SPINK6: variants seen among roughly 807,000 people sequenced by gnomAD.
SPINK6 encodes the protein serine protease inhibitor Kazal-type 6.
A neutral mutation model predicts 11.7 loss-of-function variants in SPINK6; 13 were observed. The observed-to-expected ratio is 1.11, with a 90% CI of 0.72 to 1.76. The LOEUF is 1.76. SPINK6 is among the 40% of genes most tolerant of loss of function. The probability of loss-of-function intolerance (pLI) is 0.00; values close to 1 mark genes in which losing one functional copy is unlikely to be tolerated. For synonymous variants in SPINK6, 21 were observed against 31.9 expected, an observed-to-expected ratio of 0.66 and a Z score of 1.15; for missense variants, 98 against 93.7, an observed-to-expected ratio of 1.05 and a Z score of -0.19.
intron 2 of SPINK6, among the ~76,000 whole-genome samples, chr5:148,208,518 G>T (rs1755528885): frequency 1.3e-5 from 2 of 152,158 alleles, no homozygotes; most frequent in South Asian, 4.1e-4. Context: ...CAACTGATGG[G>T]AAATTATAGT....
chr5:148,209,966 A>C lies in SPINK6; in HGVS notation c.81+3908A>C. Among the ~76,000 whole-genome samples the C allele has an allele frequency of 1.3e-5, 2 of 149,964 alleles. 1 individual carries two copies. The highest frequency in any genetic ancestry group is 2.9e-5 in the Non-Finnish European group (2 of 67,868). ...AAAGGTTTCATATATATGTATACAT[A>C]CATACGTACGTATGTATGTATACAT... On this transcript the variant is annotated intron_variant, in intron 2 of 3. Transcript: ENST00000325630.
In SPINK6 at chr5:148,213,974, G is replaced by C. The variant is rs370258516; in HGVS notation, c.146G>C (p.Gly49Ala). The change falls in exon 3 of 4, where the codon GGC (glycine) becomes GCC (alanine). Residue 49 changes from glycine (G) to alanine (A), a missense_variant. Coordinates refer to ENST00000325630, the MANE Select transcript of SPINK6 (RefSeq NM_205841.4). Reference protein sequence around the residue: ...YCTRESNPHCGSDGQTYGNKC... With the variant: ...YCTRESNPHCASDGQTYGNKC... ...ACTCGGGAATCTAACCCACACTGTG[G>C]CTCTGATGGCCAGACATATGGCAAT... 1.9e-6 allele frequency: 3 copies of C among 1,613,798 alleles called. No individual in the cohort carries two copies. The highest frequency in any genetic ancestry group is 2.5e-6 in the Non-Finnish European group (3 of 1,179,852).
chr5:148,214,308 CTT>C (rs1013582146), intron 3 of SPINK6, among the ~76,000 whole-genome samples: 6 of 152,032 alleles, frequency 3.9e-5, no homozygotes, highest in African/African-American at 1.4e-4. Flanking sequence ...TACATTATAA[CTT>C]ATTATATTTA....
Position 148,213,924 on chromosome 5 carries a change from GT to G in SPINK6, c.98del (p.Phe33SerfsTer33), listed in dbSNP as rs1755647755. ...TACTTTGGTAGGTTGACTGTGGTGA[GT>G]TCCAGGACCCCAAGGTCTACTGCAC... ...SQGGQVDCGEFQDPKVYCTRE... is the reference protein window; with the variant it reads ...SQGGQVDCGEXQDPKVYCTRE... On this transcript the variant is annotated frameshift_variant, in exon 3 of 4. Transcript: ENST00000325630. LOFTEE classifies it high-confidence loss of function. 6.2e-7 allele frequency: 1 copy of G among 1,603,106 alleles called. No homozygotes were observed. Among genetic ancestry groups the G allele is most frequent in the Admixed American group, 1.7e-5 (1 of 59,952 alleles).
At chr5:148,210,773 T>C (rs1033146475) in intron 2 of SPINK6, among the ~76,000 whole-genome samples, 3 of 151,976 alleles carry the variant, frequency 2.0e-5, no homozygotes, top group Admixed American at 1.3e-4. Context: ...GCATATGTCA[T>C]GAGGAAATCA....
intron 2 of SPINK6, among the ~76,000 whole-genome samples, chr5:148,210,043 T>C (rs558741159): frequency 4.8e-5 from 5 of 104,208 alleles, no homozygotes; most frequent in East Asian, 2.9e-4. Flanking sequence ...CAAACGTATG[T>C]ATGCATATAT....
At chr5:148,209,104 C>T (rs566386256) in intron 2 of SPINK6, among the ~76,000 whole-genome samples, 1 of 152,262 alleles carries the variant, frequency 6.6e-6, no homozygotes, top group South Asian at 2.1e-4. Context: ...TGCTCCATGA[C>T]TCTAATGAGT....
At chr5:148,214,770 C>G in intron 3 of SPINK6, 135 bp from the exon 4 acceptor site, 3 of 693,208 alleles carry the variant, frequency 4.3e-6, no homozygotes. Context: ...TAATTAACAT[C>G]TTCTGAATCA....
At chr5:148,205,948 G>A (rs1227876710) in intron 1 of SPINK6, 88 bp from the exon 2 acceptor site, 2 of 1,346,624 alleles carry the variant, frequency 1.5e-6, no homozygotes, top group Non-Finnish European at 1.1e-6. Flanking sequence ...AGTACCAGGA[G>A]TAGATATTAG....
intron 2 of SPINK6, among the ~76,000 whole-genome samples, chr5:148,207,939 T>A (rs1755521896): frequency 6.6e-6 from 1 of 152,164 alleles, no homozygotes; most frequent in South Asian, 2.1e-4. Flanking sequence ...AGACATTGAA[T>A]AATAATCAGA....
intron 2 of SPINK6, among the ~76,000 whole-genome samples, chr5:148,212,024 A>G (rs1361646857): frequency 1.3e-5 from 2 of 152,070 alleles, no homozygotes; most frequent in Non-Finnish European, 1.5e-5. Flanking sequence ...GTTCAGCTTA[A>G]CCTATTGCTT....
chr5:148,202,881 A>AATATAAGAGAATCTTATTAAT (rs1359546239), upstream of SPINK6: 1 of 413,374 alleles, frequency 2.4e-6, no homozygotes, highest in African/African-American at 2.0e-5. Context: ...ATTCTCTATT[A>AATATAAGAGAATCTTATTAAT]ATAAGATCTG....
At chr5:148,214,769 T>C in intron 3 of SPINK6, 136 bp from the exon 4 acceptor site, 1 of 663,208 alleles carries the variant, frequency 1.5e-6, no homozygotes. Flanking sequence ...TTAATTAACA[T>C]CTTCTGAATC....
At chr5:148,210,294 A>T (rs1234279920) in intron 2 of SPINK6, among the ~76,000 whole-genome samples, 1 of 8,118 alleles carries the variant, frequency 1.2e-4, no homozygotes, top group African/African-American at 3.4e-4. Context: ...ATATATATGT[A>T]TGTTTCTGCA....
Position 148,213,804 on chromosome 5 carries a change from C to T in SPINK6, c.82-106C>T, listed in dbSNP as rs1755645955. 6 of 630,596 alleles carry T rather than the reference C, an allele frequency of 9.5e-6. No individual in the cohort carries two copies. The East Asian group carries it at 1.6e-4, about 17-fold the overall frequency. 39.1% of individuals were successfully genotyped at this position (630,596 alleles called of 1,614,324 possible). A position where few individuals can be genotyped will look rare whatever the true frequency, so the allele number is the denominator to read the frequency against. On this transcript the variant is annotated intron_variant, in intron 2 of 3. Transcript: ENST00000325630. ...TTATATTTCAGAATGCTTTATGTCA[C>T]AACTATTTATATATGGTTTTTAAAG...
chr5:148,209,992 A>ACG lies in SPINK6; in HGVS notation c.82-3918_82-3917insCG, dbSNP rs1561732169. 6.2e-5 allele frequency among the ~76,000 whole-genome samples: 9 copies of ACG among 145,766 alleles called. 1 individual carries two copies. Among genetic ancestry groups the ACG allele is most frequent in the African/African-American group, 2.3e-4 (9 of 38,984 alleles). ...CATACGTACGTATGTATGTATACAT[A>ACG]TACACGTATGTATACATGTATGTAC... On this transcript the variant is annotated intron_variant, in intron 2 of 3. Transcript: ENST00000325630.
Position 148,215,056 on chromosome 5 carries a change from T to C in SPINK6, c.*106T>C. The stretch of plus-strand genomic sequence containing the variant: ...TTCCTTTAATTCATAAAGACATACC[T>C]ACTCTGCCTGGGTCTTGAGGAGTTC... On this transcript the variant is annotated 3_prime_UTR_variant, in exon 4 of 4. Coordinates refer to ENST00000325630, the MANE Select transcript of SPINK6 (RefSeq NM_205841.4). 9.2e-7 allele frequency: 1 copy of C among 1,083,584 alleles called. No homozygotes were observed. Among genetic ancestry groups the C allele is most frequent in the South Asian group, 1.3e-5 (1 of 76,128 alleles). The allele number at this position is 1,083,584 out of a possible 1,614,324, so 67.1% of individuals were successfully genotyped here.
intron 2 of SPINK6, among the ~76,000 whole-genome samples, chr5:148,207,767 G>A (rs1335373383): frequency 6.6e-6 from 1 of 152,104 alleles, no homozygotes; most frequent in African/African-American, 2.4e-5. Context: ...AGGTGGAGGT[G>A]CAGTGAGCCA....
At chr5:148,207,983 T>G (rs1207163768) in intron 2 of SPINK6, among the ~76,000 whole-genome samples, 1 of 152,108 alleles carries the variant, frequency 6.6e-6, no homozygotes, top group African/African-American at 2.4e-5. Flanking sequence ...TTTTAAATAA[T>G]TATCCAGATG....
Sources: gnomAD v4.1 joint callset for allele counts (sites outside exome capture counted in the v4.1 genomes callset) on GRCh38, gnomAD v4.1.1 for gene constraint, MANE v1.5 for transcripts, NCBI Gene and HGNC (gene_info 2026-07-23, HGNC 2026-07-21) for gene names.